Variants in SPIDR observed in about 807,000 individuals in gnomAD.
SPIDR encodes the protein DNA repair-scaffolding protein.
SPIDR carries 93 observed loss-of-function variants against 104.6 expected under a neutral mutation model. The observed-to-expected ratio is 0.89, with a 90% CI of 0.75 to 1.06. The LOEUF is 1.06. SPIDR is among the 50% of genes least tolerant of loss of function. SPIDR has a pLI of 0.00. For missense variants in SPIDR, 1,154 were observed against 1,111.2 expected (o/e 1.04, Z -0.55); for synonymous variants, 431 against 416.9 (o/e 1.03, Z -0.41).
Position 47,550,159 on chromosome 8 carries a change from G to T in SPIDR, c.1098-45652G>T, listed in dbSNP as rs959265981. Among the ~76,000 whole-genome samples, 5 of 152,214 alleles carry T rather than the reference G, an allele frequency of 3.3e-5. No individual in the cohort carries two copies. In the East Asian group the frequency reaches 9.6e-4, roughly 29 times the overall value. ...TTGGTACCAGTACCATCCTGTTTTT[G>T]TTACTGTAGCCTTGTAGTATAGTTT... On this transcript the variant is annotated intron_variant, in intron 8 of 19. Coordinates refer to ENST00000297423, the MANE Select transcript of SPIDR (RefSeq NM_001080394.4).
intron 5 of SPIDR, among the ~76,000 whole-genome samples, chr8:47,375,963 G>C (rs377641836): frequency 6.6e-6 from 1 of 152,118 alleles, no homozygotes; most frequent in Non-Finnish European, 1.5e-5. Flanking sequence ...AGTGTTCCCA[G>C]GAAGTTTGTT....
intron 6 of SPIDR, among the ~76,000 whole-genome samples, chr8:47,404,765 C>T (rs1328605872): frequency 6.6e-6 from 1 of 152,154 alleles, no homozygotes; most frequent in Non-Finnish European, 1.5e-5. Context: ...GGACTGTAAA[C>T]TGGTTCAACC....
chr8:47,658,276 G>C (rs1056676966), intron 10 of SPIDR, among the ~76,000 whole-genome samples: 1 of 151,784 alleles, frequency 6.6e-6, no homozygotes, highest in Non-Finnish European at 1.5e-5. Flanking sequence ...AAATCAGCTG[G>C]GCATAGTGGC....
chr8:47,395,833 T>C (rs2061189096), intron 5 of SPIDR, among the ~76,000 whole-genome samples: 1 of 152,222 alleles, frequency 6.6e-6, no homozygotes, highest in Admixed American at 6.5e-5. Context: ...ATAGTTCCTG[T>C]TGGTATTTGC....
chr8:47,479,438 TATAAG>T lies in SPIDR; in HGVS notation c.1097+38898_1097+38902del, dbSNP rs1464917320. On this transcript the variant is annotated intron_variant, in intron 8 of 19. Transcript: ENST00000297423. ...TGTCTTACTTTGCTGGAAAGTATCT[TATAAG>T]AGAAGGTTTCCCCTGCTCTGACTCC... Among the ~76,000 whole-genome samples, 18 of 152,176 alleles carry T rather than the reference TATAAG, an allele frequency of 1.2e-4. No individual in the cohort carries two copies. The East Asian group carries it at 3.1e-3, about 26-fold the overall frequency.
At chr8:47,474,881 A>G (rs955326983) in intron 8 of SPIDR, among the ~76,000 whole-genome samples, 2 of 152,236 alleles carry the variant, frequency 1.3e-5, no homozygotes, top group Non-Finnish European at 2.9e-5. Context: ...AAGCAGTTAC[A>G]TCTGTGGCTA....
At chr8:47,610,685 G>A (rs897990073) in intron 10 of SPIDR, among the ~76,000 whole-genome samples, 3 of 152,176 alleles carry the variant, frequency 2.0e-5, no homozygotes, top group Non-Finnish European at 4.4e-5. Flanking sequence ...ACAGGGAACT[G>A]GAGCAAAAAT....
intron 8 of SPIDR, among the ~76,000 whole-genome samples, chr8:47,445,136 T>C (rs2070309969): frequency 6.6e-6 from 1 of 152,216 alleles, no homozygotes; most frequent in Non-Finnish European, 1.5e-5. Flanking sequence ...TTTGCTTGTA[T>C]AGCACTAAAC....
chr8:47,475,063 A>G (rs1489521116), intron 8 of SPIDR, among the ~76,000 whole-genome samples: 1 of 152,190 alleles, frequency 6.6e-6, no homozygotes, highest in Admixed American at 6.5e-5. Flanking sequence ...GAAGTGTTTC[A>G]TAGATTTTCT....
At chr8:47,302,667 A>G (rs985306750) in intron 5 of SPIDR, among the ~76,000 whole-genome samples, 2 of 152,218 alleles carry the variant, frequency 1.3e-5, no homozygotes, top group Admixed American at 6.5e-5. Context: ...TCTAACAGTC[A>G]GGACCCTCAG....
intron 10 of SPIDR, among the ~76,000 whole-genome samples, chr8:47,607,211 A>AT (rs1013446596): frequency 2.0e-5 from 3 of 151,898 alleles, no homozygotes; most frequent in Non-Finnish European, 2.9e-5. Flanking sequence ...GCAGAGTATC[A>AT]TTTTTTTTGC....
intron 19 of SPIDR, among the ~76,000 whole-genome samples, chr8:47,734,819 A>C (rs2085905606): frequency 6.6e-6 from 1 of 152,214 alleles, no homozygotes; most frequent in African/African-American, 2.4e-5. Context: ...GCGAAGTCTC[A>C]TTACAAAAAC....
chr8:47,714,273 A>G (rs991802056), intron 16 of SPIDR, among the ~76,000 whole-genome samples: 1 of 152,150 alleles, frequency 6.6e-6, no homozygotes, highest in Non-Finnish European at 1.5e-5. Flanking sequence ...AGGTTGAGCG[A>G]TGAATTGGGC....
At chr8:47,522,111 C>T (rs1012983287) in intron 8 of SPIDR, among the ~76,000 whole-genome samples, 1 of 151,260 alleles carries the variant, frequency 6.6e-6, no homozygotes, top group Non-Finnish European at 1.5e-5. Context: ...TTGCAGTGAG[C>T]CGAGATCGTG....
chr8:47,728,160 G>T (rs990402236), intron 17 of SPIDR, among the ~76,000 whole-genome samples: 1 of 151,750 alleles, frequency 6.6e-6, no homozygotes, highest in Non-Finnish European at 1.5e-5. Flanking sequence ...GCCAGGTGCA[G>T]TGTCTCACGC....
intron 8 of SPIDR, among the ~76,000 whole-genome samples, chr8:47,495,308 T>A (rs1323099242): frequency 6.6e-6 from 1 of 152,004 alleles, no homozygotes; most frequent in Admixed American, 6.6e-5. Flanking sequence ...CTTTGTCTCC[T>A]TGTCCTCTGA....
Position 47,607,592 on chromosome 8 carries a change from A to G in SPIDR, c.1544+8396A>G, listed in dbSNP as rs182448961. The stretch of plus-strand genomic sequence containing the variant: ...CTTACTAAATTTCTTTTGAAAAGGT[A>G]GTCAACCATTTTGACTCCCTGAAAA... On this transcript the variant is annotated intron_variant, in intron 10 of 19. Coordinates refer to ENST00000297423, the MANE Select transcript of SPIDR (RefSeq NM_001080394.4). Among the ~76,000 whole-genome samples, 9 of 151,426 alleles carry G rather than the reference A, an allele frequency of 5.9e-5. No individual in the cohort carries two copies. The East Asian group carries it at 1.0e-3, about 17-fold the overall frequency.
rs759363565 is a variant in SPIDR, at chr8:47,639,660, T to C, written c.1545-34141T>C. Among the ~76,000 whole-genome samples the C allele has an allele frequency of 1.4e-3, 212 of 152,144 alleles. 2 individuals are homozygous for C. The highest frequency in any genetic ancestry group is 1.8e-3 in the Non-Finnish European group (120 of 68,024). Reference sequence around the variant, plus strand: ...TCTATCCAACTTAAACAGAAGGAGATTTATTGGCCAGGTGCAGTGGCTCGC... The same window carrying C: ...TCTATCCAACTTAAACAGAAGGAGACTTATTGGCCAGGTGCAGTGGCTCGC... On this transcript the variant is annotated intron_variant, in intron 10 of 19. Transcript: ENST00000297423.
chr8:47,686,552 C>A lies in SPIDR; in HGVS notation c.1685+12611C>A, dbSNP rs200699005. ...CTTCAAACTAGCTAATAAATTAGAT[C>A]ATGGTATTTATTTTTTAGATAAGAC... is the stretch of plus-strand genomic sequence containing the variant. On this transcript the variant is annotated intron_variant, in intron 11 of 19. Coordinates refer to ENST00000297423, the MANE Select transcript of SPIDR (RefSeq NM_001080394.4). 2.6e-4 allele frequency among the ~76,000 whole-genome samples: 39 copies of A among 152,198 alleles called. No individual in the cohort carries two copies. In the East Asian group the frequency reaches 6.8e-3, roughly 26 times the overall value.
Sources: gnomAD v4.1 joint callset for allele counts (sites outside exome capture counted in the v4.1 genomes callset) on GRCh38, gnomAD v4.1.1 for gene constraint, MANE v1.5 for transcripts, NCBI Gene and HGNC (gene_info 2026-07-23, HGNC 2026-07-21) for gene names.